Variants in HMGCS1 observed in about 807,000 individuals in gnomAD.
HMGCS1 encodes 3-hydroxy-3-methylglutaryl-CoA synthase 1.
Under a neutral mutation model 52.3 loss-of-function variants are expected in HMGCS1, and 9 were observed. The ratio of observed to expected loss-of-function variants is 0.17; its 90% CI spans 0.10 to 0.30. HMGCS1 has a LOEUF of 0.30. HMGCS1 is among the 10% of genes least tolerant of loss of function. The pLI, the probability that HMGCS1 is intolerant of heterozygous loss-of-function variation, is 1.00. For synonymous variants in HMGCS1, 176 were observed against 214.4 expected (o/e 0.82, Z 1.57); for missense variants, 320 against 620.9 (o/e 0.52, Z 5.15).
Position 43,289,073 on chromosome 5 carries a change from T to A in HMGCS1, c.*2058A>T, listed in dbSNP as rs967158928. On this transcript the variant is annotated 3_prime_UTR_variant, in exon 11 of 11. Coordinates refer to ENST00000325110, the MANE Select transcript of HMGCS1 (RefSeq NM_001098272.3). ...CAGTAACTCATTTCATAAATATTTA[T>A]AGCAAAGTCTATATATGCTTGCCAC... The A allele has an allele frequency of 6.6e-6, 1 of 152,214 alleles. No homozygotes were observed. Among genetic ancestry groups the A allele is most frequent in the African/African-American group, 2.4e-5 (1 of 41,450 alleles). The allele number at this position is 152,214 out of a possible 1,614,324, so 9.4% of individuals were successfully genotyped here.
At position 43,287,927 on chromosome 5, in the gene HMGCS1, A is replaced by AC. The variant is rs1640112940; in HGVS notation, c.*3203dup. On this transcript the variant is annotated 3_prime_UTR_variant, in exon 11 of 11. Coordinates refer to ENST00000325110, the MANE Select transcript of HMGCS1 (RefSeq NM_001098272.3). ...CAGAGAAGATCTGAAGTGGGGCCCA[A>AC]CATTTCTGATGCGTAGATCAAAGGC... The AC allele has an allele frequency of 6.6e-6, 1 of 152,302 alleles. No homozygotes were observed. The highest frequency in any genetic ancestry group is 6.5e-5 in the Admixed American group (1 of 15,288). 9.4% of individuals were successfully genotyped at this position (152,302 alleles called of 1,614,324 possible).
intron 5 of HMGCS1, among the ~76,000 whole-genome samples, chr5:43,296,307 G>GT (rs1335991143): frequency 1.3e-5 from 2 of 152,090 alleles, no homozygotes; most frequent in Non-Finnish European, 2.9e-5. Flanking sequence ...CACATACAAT[G>GT]TAACATGTAC....
intron 2 of HMGCS1, among the ~76,000 whole-genome samples, chr5:43,303,444 G>A (rs1042002508): frequency 3.3e-5 from 5 of 152,344 alleles, no homozygotes; most frequent in South Asian, 2.1e-4. Flanking sequence ...AGCCCTGATC[G>A]GGAACCAACC....
chr5:43,296,045 A>G (rs1579642076), intron 5 of HMGCS1, 128 bp from the exon 6 acceptor site: 2 of 599,382 alleles, frequency 3.3e-6, no homozygotes, highest in East Asian at 5.5e-5. Context: ...GTATAATGAA[A>G]CCTCTCTATA....
chr5:43,298,861 C>A lies in HMGCS1; in HGVS notation c.105G>T (p.Glu35Asp). 1 of 1,614,188 alleles carries A rather than the reference C, an allele frequency of 6.2e-7. No homozygotes were observed. Among genetic ancestry groups the A allele is most frequent in the Non-Finnish European group, 8.5e-7 (1 of 1,180,032 alleles). Reference protein sequence around the residue: ...YFPSQYVDQAELEKYDGVDAG... With the variant: ...YFPSQYVDQADLEKYDGVDAG... ...CATCTACACCATCATATTTTTCCAA[C>A]TCTGCTTGATCAACATATTGAGAAG... Residue 35 changes from glutamate (E) to aspartate (D), a missense_variant, in exon 3 of 11, where the codon GAG becomes GAT. Around this residue, in one of 3 missense-constraint regions of HMGCS1, gnomAD observed 85 missense variants for 260.0 expected, o/e 0.33. Transcript: ENST00000325110. The surrounding 1 kb of genome is among the most constrained non-coding windows in gnomAD (Gnocchi z 5.6).
intron 1 of HMGCS1, among the ~76,000 whole-genome samples, chr5:43,309,196 G>A (rs1754730433): frequency 1.3e-5 from 2 of 150,542 alleles, no homozygotes; most frequent in Admixed American, 6.6e-5. Flanking sequence ...TCCTTGAACT[G>A]CCTATATTCT....
At chr5:43,301,018 C>T (rs920266517) in intron 2 of HMGCS1, among the ~76,000 whole-genome samples, 1 of 152,028 alleles carries the variant, frequency 6.6e-6, no homozygotes, top group Admixed American at 6.5e-5. Context: ...CAGGTAACAA[C>T]ATTGAGAACC....
intron 8 of HMGCS1, chr5:43,293,780 C>T (rs1310175167): frequency 2.5e-5 from 6 of 240,536 alleles, no homozygotes; most frequent in Admixed American, 5.4e-5. Context: ...GTGGTGTGAT[C>T]TTGGCTCACC....
chr5:43,298,364 G>T lies in HMGCS1; in HGVS notation c.448+154C>A. 1 of 677,100 alleles carries T rather than the reference G, an allele frequency of 1.5e-6. No homozygotes were observed. Among genetic ancestry groups the T allele is most frequent in the Admixed American group, 2.9e-5 (1 of 33,950 alleles). The allele number at this position is 677,100 out of a possible 1,614,324, so 41.9% of individuals were successfully genotyped here. On this transcript the variant is annotated intron_variant, in intron 3 of 10. Transcript: ENST00000325110. The surrounding 1 kb of genome is among the most constrained non-coding windows in gnomAD (Gnocchi z 5.6). ...GATAAGATAACCAATTCACAATTCG[G>T]ATAATGACAGACAGGTAAAATATCT... is the stretch of plus-strand genomic sequence containing the variant.
intron 1 of HMGCS1, among the ~76,000 whole-genome samples, chr5:43,308,680 C>A (rs1754701122): frequency 1.3e-5 from 2 of 152,198 alleles, no homozygotes; most frequent in African/African-American, 4.8e-5. Flanking sequence ...GAGATGGCAA[C>A]TTCTATGTTT....
intron 1 of HMGCS1, among the ~76,000 whole-genome samples, chr5:43,309,292 G>A (rs755461660): frequency 6.6e-6 from 1 of 150,540 alleles, no homozygotes; most frequent in Non-Finnish European, 1.5e-5. Context: ...CTGGAATGCA[G>A]TAGCATTCCA....
intron 2 of HMGCS1, among the ~76,000 whole-genome samples, chr5:43,301,079 G>A (rs1754294694): frequency 6.6e-6 from 1 of 152,186 alleles, no homozygotes; most frequent in Non-Finnish European, 1.5e-5. Flanking sequence ...AGGGCAAGGA[G>A]TGTTAGGAAA....
chr5:43,299,799 T>C (rs1229240777), intron 2 of HMGCS1, among the ~76,000 whole-genome samples: 1 of 152,186 alleles, frequency 6.6e-6, no homozygotes, highest in African/African-American at 2.4e-5. Flanking sequence ...CACTAGCTAC[T>C]CAAGACCATT....
At chr5:43,293,254 T>C (rs1044394934) in intron 8 of HMGCS1, among the ~76,000 whole-genome samples, 1 of 152,178 alleles carries the variant, frequency 6.6e-6, no homozygotes, top group East Asian at 1.9e-4. Flanking sequence ...GGTACAATTA[T>C]TTTATTTTTA....
chr5:43,304,584 A>C (rs1256986920), intron 2 of HMGCS1, among the ~76,000 whole-genome samples: 2 of 152,222 alleles, frequency 1.3e-5, no homozygotes, highest in African/African-American at 4.8e-5. Flanking sequence ...AGCTCTGATC[A>C]ATTCTTTGTA....
At chr5:43,295,294 C>T (rs1753975416) in intron 6 of HMGCS1, among the ~76,000 whole-genome samples, 1 of 152,140 alleles carries the variant, frequency 6.6e-6, no homozygotes, top group Admixed American at 6.5e-5. Context: ...AGAAAGGACA[C>T]ACAAGAGACA....
chr5:43,310,425 T>TATCC (rs1225865240), intron 1 of HMGCS1, among the ~76,000 whole-genome samples: 1 of 152,236 alleles, frequency 6.6e-6, no homozygotes, highest in Admixed American at 6.5e-5. Context: ...GCAGTCTTCT[T>TATCC]ATCCATACAG....
chr5:43,292,335 C>T (rs1753815390), intron 10 of HMGCS1, 139 bp downstream of exon 10: 5 of 661,008 alleles, frequency 7.6e-6, no homozygotes, highest in Admixed American at 5.9e-5. Context: ...ATGCAAAGCA[C>T]TTTATACAAT....
At chr5:43,293,934 C>T (rs900633743) in intron 8 of HMGCS1, 122 bp downstream of exon 8, 7 of 637,610 alleles carry the variant, frequency 1.1e-5, no homozygotes, top group Admixed American at 5.0e-5. Context: ...AGACTGGTCT[C>T]GAACTCCTGA....
Sources: gnomAD v4.1 joint callset for allele counts (sites outside exome capture counted in the v4.1 genomes callset) on GRCh38, gnomAD v4.1.1 for gene constraint, gnomAD v4.1.1 regional missense constraint, Gnocchi (gnomAD v3.1) non-coding constraint, MANE v1.5 for transcripts, NCBI Gene and HGNC (gene_info 2026-07-23, HGNC 2026-07-21) for gene names.